The following CSMD1 variants were observed in gnomAD, a reference collection of about 807,000 sequenced individuals.
The protein encoded by CSMD1 is CUB and Sushi multiple domains 1.
A neutral mutation model predicts 417.5 loss-of-function variants in CSMD1; 213 were observed. That is an observed-to-expected ratio of 0.51 (90% CI 0.46 to 0.57). CSMD1 has a LOEUF of 0.57. CSMD1 is among the 20% of genes least tolerant of loss of function. CSMD1 has a pLI of 0.00. For synonymous variants in CSMD1, 2,862 were observed against 1,736.8 expected, an observed-to-expected ratio of 1.65 and a Z score of -16.11; for missense variants, 6,923 against 4,529.7, an observed-to-expected ratio of 1.53 and a Z score of -15.17.
chr8:4,874,287 C>A (rs1430491708), intron 1 of CSMD1, among the ~76,000 whole-genome samples: 4 of 151,718 alleles, frequency 2.6e-5, no homozygotes, highest in Non-Finnish European at 4.4e-5. Flanking sequence ...ATTCTAAAAT[C>A]TAAATTTCTA....
intron 4 of CSMD1, among the ~76,000 whole-genome samples, chr8:4,018,989 A>C: frequency 6.6e-6 from 1 of 152,356 alleles, no homozygotes; most frequent in East Asian, 1.9e-4. Flanking sequence ...TTTAACTCTG[A>C]TTACCACACT....
intron 5 of CSMD1, among the ~76,000 whole-genome samples, chr8:3,957,142 C>T (rs983547159): frequency 1.2e-4 from 18 of 151,580 alleles, no homozygotes; most frequent in Non-Finnish European, 1.6e-4. Context: ...GCCTCTTTCT[C>T]CCCCTACTTC....
intron 2 of CSMD1, among the ~76,000 whole-genome samples, chr8:4,490,482 T>C (rs1446569474): frequency 6.6e-6 from 1 of 152,228 alleles, no homozygotes; most frequent in Non-Finnish European, 1.5e-5. Flanking sequence ...ACTTTAACAA[T>C]TTAAATTACA....
intron 2 of CSMD1, among the ~76,000 whole-genome samples, chr8:4,601,318 G>A (rs1336882497): frequency 6.6e-6 from 1 of 152,134 alleles, no homozygotes; most frequent in Non-Finnish European, 1.5e-5. Flanking sequence ...GCAAAAGTTT[G>A]GAAGTCCCCT....
At chr8:4,885,632 T>C (rs553229144) in intron 1 of CSMD1, among the ~76,000 whole-genome samples, 5 of 151,966 alleles carry the variant, frequency 3.3e-5, no homozygotes, top group Non-Finnish European at 5.9e-5. Context: ...ATCACATTAA[T>C]AGATTTTCAG....
At chr8:4,619,664 G>A (rs973972668) in intron 2 of CSMD1, among the ~76,000 whole-genome samples, 5 of 152,118 alleles carry the variant, frequency 3.3e-5, no homozygotes, top group African/African-American at 9.7e-5. Context: ...TTTTATTGAA[G>A]TGCCAAAGAT....
intron 3 of CSMD1, among the ~76,000 whole-genome samples, chr8:4,096,331 G>A (rs1801007682): frequency 6.6e-6 from 1 of 151,560 alleles, no homozygotes; most frequent in South Asian, 2.1e-4. Flanking sequence ...AAACAACCCA[G>A]AAATAGGACA....
intron 3 of CSMD1, among the ~76,000 whole-genome samples, chr8:4,398,124 T>C (rs770036685): frequency 7.2e-5 from 11 of 152,148 alleles, no homozygotes; most frequent in Non-Finnish European, 1.0e-4. Context: ...TAATGCCACA[T>C]CTGGCAAAGT....
At chr8:4,066,297 G>A (rs966577750) in intron 3 of CSMD1, among the ~76,000 whole-genome samples, 1 of 152,028 alleles carries the variant, frequency 6.6e-6, no homozygotes, top group Non-Finnish European at 1.5e-5. Context: ...GACCTTAACC[G>A]TTTATGTCTG....
chr8:3,564,217 C>T lies in CSMD1; in HGVS notation c.1344+10728G>A, dbSNP rs565922937. On this transcript the variant is annotated intron_variant, in intron 10 of 69. Coordinates refer to ENST00000635120, the MANE Select transcript of CSMD1 (RefSeq NM_033225.6). ...ATTATCATTAACTATAATTTTCCTA[C>T]TCTACTATTGAATACTAGAATTTTT... 2.8e-4 allele frequency among the ~76,000 whole-genome samples: 43 copies of T among 152,252 alleles called. No homozygotes were observed. The Middle Eastern group carries it at 0.01, about 36-fold the overall frequency.
chr8:4,742,287 C>T lies in CSMD1; in HGVS notation c.86-104729G>A, dbSNP rs1482989841. On this transcript the variant is annotated intron_variant, in intron 1 of 69. Coordinates refer to ENST00000635120, the MANE Select transcript of CSMD1 (RefSeq NM_033225.6). ...CCTCATGATCCACCCGCCTCGGCCT[C>T]CCAAAGTGCTGAGATTATAGGCATG... Among the ~76,000 whole-genome samples the T allele has an allele frequency of 2.6e-5, 4 of 151,866 alleles. No homozygotes were observed. In the South Asian group the frequency reaches 6.2e-4, roughly 24 times the overall value.
Position 3,549,266 on chromosome 8 carries a change from G to A in CSMD1, c.1344+25679C>T, listed in dbSNP as rs139766074. 4.5e-4 allele frequency among the ~76,000 whole-genome samples: 69 copies of A among 152,334 alleles called. No homozygotes were observed. In the East Asian group the frequency reaches 0.011, roughly 24 times the overall value. ...GTTGTGGAGACCACAAAGGCGAAGT[G>A]TGCCAGTGACTGTGTGTCCTGCAAA... On this transcript the variant is annotated intron_variant, in intron 10 of 69. Transcript: ENST00000635120.
At chr8:4,462,374 G>A (rs1237482025) in intron 2 of CSMD1, among the ~76,000 whole-genome samples, 2 of 152,070 alleles carry the variant, frequency 1.3e-5, no homozygotes, top group East Asian at 1.9e-4. Context: ...AATATTTCAT[G>A]TACATGAATC....
intron 15 of CSMD1, among the ~76,000 whole-genome samples, chr8:3,405,120 C>A (rs978949132): frequency 6.6e-6 from 1 of 152,120 alleles, no homozygotes; most frequent in African/African-American, 2.4e-5. Flanking sequence ...ATAACCTTTT[C>A]AATAATACGT....
At chr8:3,208,116 C>A (rs550923229) in intron 30 of CSMD1, among the ~76,000 whole-genome samples, 2 of 152,184 alleles carry the variant, frequency 1.3e-5, no homozygotes, top group African/African-American at 4.8e-5. Flanking sequence ...ATTTTATTTG[C>A]GCTCAGTCAC....
intron 1 of CSMD1, among the ~76,000 whole-genome samples, chr8:4,785,771 T>C (rs1012582041): frequency 3.9e-5 from 6 of 152,134 alleles, no homozygotes; most frequent in African/African-American, 1.4e-4. Context: ...ACTTTTATTC[T>C]CCCGGGAACC....
intron 3 of CSMD1, among the ~76,000 whole-genome samples, chr8:4,302,891 G>A (rs1345926623): frequency 6.6e-6 from 1 of 151,980 alleles, no homozygotes; most frequent in African/African-American, 2.4e-5. Flanking sequence ...CCTCCATGCT[G>A]ATTCATATTA....
intron 6 of CSMD1, among the ~76,000 whole-genome samples, chr8:3,748,474 G>A (rs1194859098): frequency 6.6e-6 from 1 of 152,238 alleles, no homozygotes; most frequent in Admixed American, 6.5e-5. Context: ...AACCTTGAGG[G>A]GAATAGGAGC....
intron 3 of CSMD1, among the ~76,000 whole-genome samples, chr8:4,162,436 C>T (rs963193907): frequency 1.3e-5 from 2 of 152,026 alleles, no homozygotes; most frequent in African/African-American, 4.8e-5. Context: ...AAATAATAAA[C>T]AGAATAGAGG....
Sources: allele counts gnomAD v4.1 joint callset (sites outside exome capture counted in the v4.1 genomes callset), GRCh38; gene constraint gnomAD v4.1.1; transcripts MANE v1.5; gene names NCBI Gene and HGNC (gene_info 2026-07-23, HGNC 2026-07-21).